The following USP8 variants were observed in gnomAD, a reference collection of about 807,000 sequenced individuals.
The protein encoded by USP8 is ubiquitin carboxyl-terminal hydrolase 8.
Under a neutral mutation model 130.0 loss-of-function variants are expected in USP8, and 27 were observed. The observed-to-expected ratio is 0.21, with a 90% CI of 0.15 to 0.29. The LOEUF (loss-of-function observed/expected upper bound fraction) is 0.29. Ranked by LOEUF, USP8 falls within the 10% of genes least tolerant of loss-of-function variation. The pLI, the probability that USP8 is intolerant of heterozygous loss-of-function variation, is 1.00. For missense variants in USP8, 1,029 were observed against 1,312.2 expected (o/e 0.78, Z 3.33); for synonymous variants, 392 against 444.1 (o/e 0.88, Z 1.48).
Position 50,441,341 on chromosome 15 carries a change from ATT to A in USP8, c.105-5_105-4del, listed in dbSNP as rs2050254078. 6.4e-7 allele frequency: 1 copy of A among 1,571,024 alleles called. No homozygotes were observed. Among genetic ancestry groups the A allele is most frequent in the Non-Finnish European group, 8.6e-7 (1 of 1,169,308 alleles). ...TGCTTTAATTATTATTTTTTCTCTAATTTTAAGTTATGTGCACAGTGCCCTGA... is the reference window on the plus strand; with the variant it reads ...TGCTTTAATTATTATTTTTTCTCTAATTAAGTTATGTGCACAGTGCCCTGA... On this transcript the variant is annotated splice_region_variant and splice_polypyrimidine_tract_variant and intron_variant, in intron 2 of 19. Coordinates refer to ENST00000307179, the MANE Select transcript of USP8 (RefSeq NM_005154.5).
intron 4 of USP8, among the ~76,000 whole-genome samples, chr15:50,449,742 C>T (rs1011284851): frequency 5.9e-5 from 9 of 151,518 alleles, no homozygotes; most frequent in African/African-American, 1.2e-4. Context: ...CCACCACGCC[C>T]GGCTAATTTT....
chr15:50,495,774 A>G, intron 16 of USP8, 74 bp from the exon 17 acceptor site: 1 of 1,201,118 alleles, frequency 8.3e-7, no homozygotes, highest in Non-Finnish European at 1.2e-6. Context: ...AAGTGTTTGT[A>G]TTCACTTTTA....
intron 12 of USP8, among the ~76,000 whole-genome samples, chr15:50,488,659 G>A (rs1305317381): frequency 7.0e-6 from 1 of 143,428 alleles, no homozygotes; most frequent in Non-Finnish European, 1.5e-5. Context: ...CCGCCTCCCA[G>A]GTTCAAGCAA....
At chr15:50,496,338 G>A (rs534159355) in intron 17 of USP8, among the ~76,000 whole-genome samples, 64 of 151,976 alleles carry the variant, frequency 4.2e-4, no homozygotes, top group African/African-American at 1.4e-3. Context: ...AAAATTAGCC[G>A]GGCGTGGTGG....
intron 2 of USP8, among the ~76,000 whole-genome samples, chr15:50,439,799 TAATAATA>T (rs1567602029): frequency 8.9e-5 from 12 of 134,274 alleles, no homozygotes; most frequent in Admixed American, 6.5e-4. Flanking sequence ...TCAATAATAA[TAATAATA>T]ATAATAATAA....
Position 50,462,334 on chromosome 15 carries a change from C to G in USP8, c.541+12C>G. Reference sequence around the variant, plus strand: ...GACCAAAGAGAAAGGTAAGTGTGTACAGAAGGAGGAAGTTGTTTTAGGTTC... The same window carrying G: ...GACCAAAGAGAAAGGTAAGTGTGTAGAGAAGGAGGAAGTTGTTTTAGGTTC... On this transcript the variant is annotated intron_variant, in intron 6 of 19. Coordinates refer to ENST00000307179, the MANE Select transcript of USP8 (RefSeq NM_005154.5). 1.3e-6 allele frequency: 2 copies of G among 1,593,198 alleles called. No individual in the cohort carries two copies. The highest frequency in any genetic ancestry group is 1.7e-6 in the Non-Finnish European group (2 of 1,173,630).
chr15:50,481,782 A>G lies in USP8; in HGVS notation c.1520A>G (p.Gln507Arg), dbSNP rs754130031. Residue 507 changes from glutamine (Q) to arginine (R), a missense_variant, in exon 11 of 20, where the codon CAA becomes CGA. Physicochemically the swap from Gln to Arg is conservative, Grantham distance 43 (BLOSUM62 1). Coordinates refer to ENST00000307179, the MANE Select transcript of USP8 (RefSeq NM_005154.5). ...CAAGAACAAAAAGCCAAAAAGAAAC[A>G]AGAAGCTGAAGAAAATGAAATTACA... The part of the protein sequence containing the change: ...EEQEQKAKKK[Q>R]EAEENEITEK... 1 of 1,544,816 alleles carries G rather than the reference A, an allele frequency of 6.5e-7. No homozygotes were observed. The highest frequency in any genetic ancestry group is 2.4e-5 in the East Asian group (1 of 42,192).
At chr15:50,477,540 A>C in intron 10 of USP8, 41 bp downstream of exon 10, 2 of 1,544,640 alleles carry the variant, frequency 1.3e-6, no homozygotes, top group Non-Finnish European at 1.8e-6. Flanking sequence ...TTTTGTTTTA[A>C]TATTAAATAT....
At position 50,449,448 on chromosome 15, in the gene USP8, G is replaced by A. The variant is rs2050544971; in HGVS notation, c.298G>A (p.Glu100Lys). 8 of 1,596,700 alleles carry A rather than the reference G, an allele frequency of 5.0e-6. No individual in the cohort carries two copies. The highest frequency in any genetic ancestry group is 5.1e-6 in the Non-Finnish European group (6 of 1,170,438). ...ACCTGGAAACATCAAAAAAGCTGTC[G>A]AAGAAGCTGAAAGACTCTCTGAAAG... ...LGPGNIKKAV[E>K]EAERLSESLK... Residue 100 changes from glutamate to lysine, a missense_variant, in exon 4 of 20, where the codon GAA (glutamate) becomes AAA (lysine). Physicochemically the swap from Glu to Lys is moderately conservative, Grantham distance 56 (BLOSUM62 1). Around this residue, in one of 4 missense-constraint regions of USP8, gnomAD observed 281 missense variants for 336.7 expected, o/e 0.83. Coordinates refer to ENST00000307179, the MANE Select transcript of USP8 (RefSeq NM_005154.5).
rs1283601112 is a variant in USP8, at chr15:50,502,343, G to A, written c.*3255G>A. 2 of 149,760 alleles carry A rather than the reference G, an allele frequency of 1.3e-5. No individual in the cohort carries two copies. The highest frequency in any genetic ancestry group is 2.5e-5 in the African/African-American group (1 of 40,492). The allele number at this position is 149,760 out of a possible 1,614,324, so 9.3% of individuals were successfully genotyped here. A position where few individuals can be genotyped will look rare whatever the true frequency, so the allele number is the denominator to read the frequency against. ...CCAGGATGGTCTCGATCTCGACCTC[G>A]GGATCCTCCCACTTCGGCCTCCCAA... On this transcript the variant is annotated 3_prime_UTR_variant, in exon 20 of 20. Transcript: ENST00000307179.
intron 17 of USP8, chr15:50,496,754 CAAT>C (rs34340196): frequency 0.02 from 3,532 of 180,068 alleles, 41 homozygotes; most frequent in Non-Finnish European, 0.029. Context: ...CATGTATCAA[CAAT>C]GTTTCTTATA....
intron 1 of USP8, among the ~76,000 whole-genome samples, chr15:50,433,764 C>T (rs1445776719): frequency 6.6e-6 from 1 of 151,880 alleles, no homozygotes; most frequent in East Asian, 1.9e-4. Flanking sequence ...CGCCACCGTG[C>T]CCGGCTAATT....
At chr15:50,490,196 ATTTC>A (rs2052106031) in intron 13 of USP8, 63 bp from the exon 14 acceptor site, 5 of 1,464,414 alleles carry the variant, frequency 3.4e-6, no homozygotes, top group East Asian at 4.5e-5. Context: ...CTTTGGAGTG[ATTTC>A]TTTGTTTATA....
intron 14 of USP8, among the ~76,000 whole-genome samples, chr15:50,490,804 C>T (rs16963735): frequency 0.032 from 4,913 of 152,198 alleles, 111 homozygotes; most frequent in African/African-American, 0.047. Context: ...CCAGAGTACC[C>T]TCACGTTTTT....
intron 10 of USP8, among the ~76,000 whole-genome samples, chr15:50,478,019 G>C (rs1323402467): frequency 2.6e-5 from 4 of 152,032 alleles, no homozygotes; most frequent in African/African-American, 9.7e-5. Flanking sequence ...ATAATTAAGG[G>C]GTTTCCAAGC....
Position 50,510,871 on chromosome 15 carries a change from G to A in USP8, c.*11783G>A, listed in dbSNP as rs1474172036. 1 of 152,066 alleles carries A rather than the reference G, an allele frequency of 6.6e-6. No individual in the cohort carries two copies. The highest frequency in any genetic ancestry group is 1.5e-5 in the Non-Finnish European group (1 of 68,004). 9.4% of individuals were successfully genotyped at this position (152,066 alleles called of 1,614,324 possible). On this transcript the variant is annotated 3_prime_UTR_variant, in exon 20 of 20. Transcript: ENST00000307179. ...GGCTCACTGCAAGCTCCGCCTCCTG[G>A]GTTCACGCCATTCTCCTGCCTCAGC...
At position 50,506,394 on chromosome 15, in the gene USP8, T is replaced by C. The variant is rs1211264710; in HGVS notation, c.*7306T>C. 2 of 152,168 alleles carry C rather than the reference T, an allele frequency of 1.3e-5. No homozygotes were observed. The highest frequency in any genetic ancestry group is 4.8e-5 in the African/African-American group (2 of 41,436). 9.4% of individuals were successfully genotyped at this position (152,168 alleles called of 1,614,324 possible). A position where few individuals can be genotyped will look rare whatever the true frequency, so the allele number is the denominator to read the frequency against. ...AGGGATCTAGGTTGCGTGCTCCTTA[T>C]GAGAATCTACTGCCTGATTTTCTGA... On this transcript the variant is annotated 3_prime_UTR_variant, in exon 20 of 20. Transcript: ENST00000307179.
intron 15 of USP8, chr15:50,493,529 G>A (rs2141322144): frequency 1.9e-6 from 1 of 515,938 alleles, no homozygotes. Flanking sequence ...GACGTGGGCA[G>A]ATCACTTGGG....
At chr15:50,431,678 T>C (rs2049935877) in intron 1 of USP8, among the ~76,000 whole-genome samples, 2 of 152,140 alleles carry the variant, frequency 1.3e-5, no homozygotes, top group Admixed American at 6.6e-5. Flanking sequence ...TTTTCCGAGA[T>C]GGAGTTTCAC....
Sources: allele counts gnomAD v4.1 joint callset (sites outside exome capture counted in the v4.1 genomes callset), GRCh38; gene constraint gnomAD v4.1.1; regional missense constraint gnomAD v4.1.1; transcripts MANE v1.5; gene names NCBI Gene and HGNC (gene_info 2026-07-23, HGNC 2026-07-21).